The following GBP6 variants were observed in gnomAD, a reference collection of about 807,000 sequenced individuals.
GBP6 encodes the protein guanylate-binding protein 6.
In GBP6, 54 loss-of-function variants were observed where a neutral mutation model predicts 61.5. The observed-to-expected ratio is 0.88, with a 90% CI of 0.71 to 1.10. The LOEUF (loss-of-function observed/expected upper bound fraction) is 1.10, where lower values mean the gene tolerates loss of function less well. GBP6 is among the 50% of genes least tolerant of loss of function. The pLI is 0.00. For synonymous variants in GBP6, 255 were observed against 273.7 expected, an observed-to-expected ratio of 0.93 and a Z score of 0.67; for missense variants, 748 against 752.8, an observed-to-expected ratio of 0.99 and a Z score of 0.07.
intron 3 of GBP6, among the ~76,000 whole-genome samples, chr1:89,376,815 A>T (rs1368610174): frequency 6.6e-6 from 1 of 152,172 alleles, no homozygotes; most frequent in African/African-American, 2.4e-5. Flanking sequence ...ACTGTGGGCA[A>T]CATAGTGAAA....
At chr1:89,365,568 T>C (rs984647875) in intron 1 of GBP6, among the ~76,000 whole-genome samples, 2 of 152,252 alleles carry the variant, frequency 1.3e-5, no homozygotes, top group Non-Finnish European at 2.9e-5. Context: ...AGTTTTTGTT[T>C]CTTAGTAACT....
intron 5 of GBP6, among the ~76,000 whole-genome samples, chr1:89,379,883 G>T (rs1557541543): frequency 6.6e-6 from 1 of 152,202 alleles, no homozygotes; most frequent in Non-Finnish European, 1.5e-5. Context: ...TGCACCTGTA[G>T]TGTCAGCACT....
intron 10 of GBP6, 51 bp downstream of exon 10, chr1:89,384,337 T>C: frequency 6.9e-7 from 1 of 1,455,318 alleles, no homozygotes; most frequent in Admixed American, 2.3e-5. Flanking sequence ...CCCAGGTACC[T>C]CAGGAAGGGC....
chr1:89,383,095 T>G (rs1307397075), intron 8 of GBP6, among the ~76,000 whole-genome samples: 1 of 152,152 alleles, frequency 6.6e-6, no homozygotes. Flanking sequence ...ACCACCTAGG[T>G]GGTGGTAATA....
chr1:89,368,884 C>T, intron 2 of GBP6, 143 bp downstream of exon 2: 1 of 670,100 alleles, frequency 1.5e-6, no homozygotes, highest in Non-Finnish European at 2.4e-6. Flanking sequence ...TACCACCAAA[C>T]CACTACCTTA....
chr1:89,376,996 G>A (rs1481048272), intron 3 of GBP6, among the ~76,000 whole-genome samples: 1 of 152,004 alleles, frequency 6.6e-6, no homozygotes, highest in Non-Finnish European at 1.5e-5. Flanking sequence ...AAAAATTAAG[G>A]AGTGGGGGAC....
In GBP6 at chr1:89,386,535, G is replaced by T. The variant is rs920212142; in HGVS notation, c.*1066G>T. On this transcript the variant is annotated 3_prime_UTR_variant, in exon 11 of 11. Coordinates refer to ENST00000370456, the MANE Select transcript of GBP6 (RefSeq NM_198460.3). Reference sequence around the variant, plus strand: ...TGAGGGGTCTAAGACTAAGATCTGAGTACTAGAATGCAAAAAATTTGCATC... The same window carrying T: ...TGAGGGGTCTAAGACTAAGATCTGATTACTAGAATGCAAAAAATTTGCATC... 6.6e-6 allele frequency: 1 copy of T among 152,180 alleles called. No individual in the cohort carries two copies. The highest frequency in any genetic ancestry group is 1.5e-5 in the Non-Finnish European group (1 of 68,026). The allele number at this position is 152,180 out of a possible 1,614,324, so 9.4% of individuals were successfully genotyped here.
chr1:89,382,923 G>A, intron 8 of GBP6, 47 bp downstream of exon 8: 1 of 1,294,292 alleles, frequency 7.7e-7, no homozygotes, highest in South Asian at 1.2e-5. Context: ...TAGAGTGAAT[G>A]GAGTCTTCAG....
chr1:89,380,175 A>C (rs545884896), intron 5 of GBP6, among the ~76,000 whole-genome samples: 1 of 152,360 alleles, frequency 6.6e-6, no homozygotes, highest in Admixed American at 6.5e-5. Flanking sequence ...TTCTTGTTAC[A>C]TTTAGTCTTC....
intron 1 of GBP6, among the ~76,000 whole-genome samples, chr1:89,366,020 A>C (rs1652457629): frequency 6.6e-6 from 1 of 152,252 alleles, no homozygotes; most frequent in Non-Finnish European, 1.5e-5. Flanking sequence ...CAGGAGACCT[A>C]CAGAATAATT....
At chr1:89,380,279 T>A (rs1652929136) in intron 5 of GBP6, 107 bp from the exon 6 acceptor site, 2 of 897,694 alleles carry the variant, frequency 2.2e-6, no homozygotes, top group South Asian at 3.3e-5. Context: ...AGGAGGTCTG[T>A]AAGCATAGAA....
At chr1:89,380,871 GA>G (rs1652957815) in intron 6 of GBP6, among the ~76,000 whole-genome samples, 1 of 152,062 alleles carries the variant, frequency 6.6e-6, no homozygotes, top group East Asian at 1.9e-4. Context: ...ATCCCCCACT[GA>G]TAAAATAACT....
intron 5 of GBP6, among the ~76,000 whole-genome samples, chr1:89,380,113 G>A (rs1231385846): frequency 6.6e-6 from 1 of 152,140 alleles, no homozygotes; most frequent in Non-Finnish European, 1.5e-5. Context: ...CCTCTAGCCT[G>A]GGCAATAGAG....
rs114114396 is a variant in GBP6, at chr1:89,369,952, G to A, written c.318+279G>A. Among the ~76,000 whole-genome samples the A allele has an allele frequency of 2.3e-3, 350 of 152,310 alleles. 1 individual carries two copies. The highest frequency in any genetic ancestry group is 6.8e-3 in the Middle Eastern group (2 of 294). On this transcript the variant is annotated intron_variant, in intron 3 of 10. Coordinates refer to ENST00000370456, the MANE Select transcript of GBP6 (RefSeq NM_198460.3). ...CTTGGGGCTGAGTAGCATAGACATT[G>A]GTGAACAAAGTAAAGGTCCTGCCCA...
intron 1 of GBP6, among the ~76,000 whole-genome samples, chr1:89,367,929 C>T (rs574376442): frequency 3.9e-5 from 6 of 152,164 alleles, no homozygotes; most frequent in African/African-American, 9.7e-5. Flanking sequence ...GCCATGAAAT[C>T]GCCTACCATT....
chr1:89,364,245 G>A (rs572561006), intron 1 of GBP6, 118 bp downstream of exon 1: 4 of 152,422 alleles, frequency 2.6e-5, no homozygotes, highest in African/African-American at 9.6e-5. Flanking sequence ...TGGCCTGCAG[G>A]AGTCTGTGGC....
At position 89,368,626 on chromosome 1, in the gene GBP6, G is replaced by A; in HGVS notation, c.75G>A (p.Gln25=). Residue 25 remains glutamine, a synonymous_variant, in exon 2 of 11, where the codon CAG becomes CAA. Coordinates refer to ENST00000370456, the MANE Select transcript of GBP6 (RefSeq NM_198460.3). ...ENNNEQLLVN[Q]QAIQILEKIS... is the part of the protein sequence containing the mutation. ...ACAATGAGCAGCTATTGGTGAACCA[G>A]CAAGCTATACAGATTCTTGAAAAGA... 5.0e-6 allele frequency: 8 copies of A among 1,614,164 alleles called. No individual in the cohort carries two copies. The highest frequency in any genetic ancestry group is 6.8e-6 in the Non-Finnish European group (8 of 1,179,992).
intron 3 of GBP6, among the ~76,000 whole-genome samples, chr1:89,371,360 A>G (rs1298369070): frequency 6.6e-6 from 1 of 152,202 alleles, no homozygotes; most frequent in African/African-American, 2.4e-5. Context: ...ACAACAACAA[A>G]AAAAGAGAAT....
intron 1 of GBP6, among the ~76,000 whole-genome samples, chr1:89,367,930 G>A (rs970852730): frequency 2.6e-5 from 4 of 152,124 alleles, no homozygotes; most frequent in Admixed American, 6.5e-5. Flanking sequence ...CCATGAAATC[G>A]CCTACCATTT....
Sources: allele counts gnomAD v4.1 joint callset (sites outside exome capture counted in the v4.1 genomes callset), GRCh38; gene constraint gnomAD v4.1.1; transcripts MANE v1.5; gene names NCBI Gene and HGNC (gene_info 2026-07-23, HGNC 2026-07-21).